GGTA1: variants seen among roughly 807,000 people sequenced by gnomAD.
GGTA1 encodes glycoprotein alpha-galactosyltransferase 1 (inactive), also known as inactive N-acetyllactosaminide alpha-1,3-galactosyltransferase.
GGTA1 carries 5 observed loss-of-function variants against 2.6 expected under a neutral mutation model. That is an observed-to-expected ratio of 1.92 (90% confidence interval 1.00 to 4.04). The LOEUF is 4.04. Ranked by LOEUF, GGTA1 falls within the 30% of genes most tolerant of loss-of-function variation. The probability of loss-of-function intolerance (pLI) is 0.00; values close to 1 mark genes in which losing one functional copy is unlikely to be tolerated. For missense variants in GGTA1, 50 were observed against 16.7 expected (o/e 2.99, Z -3.47); for synonymous variants, 17 against 5.0 (o/e 3.38, Z -3.19).
chr9:121,451,184 ACTTT>A (rs907268686), downstream of GGTA1, among the ~76,000 whole-genome samples: 1 of 152,116 alleles, frequency 6.6e-6, no homozygotes, highest in African/African-American at 2.4e-5. Context: ...TAGAGCTAGA[ACTTT>A]CTTTCTTTTC....
At chr9:121,484,494 G>A (rs1320246338) in intron 1 of GGTA1, among the ~76,000 whole-genome samples, 3 of 152,088 alleles carry the variant, frequency 2.0e-5, no homozygotes, top group African/African-American at 7.2e-5. Flanking sequence ...ATGTTGGTCA[G>A]GCTGGTCTCG....
chr9:121,474,649 G>A (rs551133036), intron 1 of GGTA1, among the ~76,000 whole-genome samples: 261 of 152,208 alleles, frequency 1.7e-3, no homozygotes, highest in Non-Finnish European at 8.4e-4. Flanking sequence ...AAGGTAATTC[G>A]TTCCAAACAG....
intron 1 of GGTA1, among the ~76,000 whole-genome samples, chr9:121,490,957 C>A (rs1393881583): frequency 6.6e-6 from 1 of 152,126 alleles, no homozygotes; most frequent in Non-Finnish European, 1.5e-5. Context: ...GGAATGAATT[C>A]CTAAGCACTT....
chr9:121,472,585 G>A (rs1053318520), intron 1 of GGTA1, among the ~76,000 whole-genome samples: 1 of 152,220 alleles, frequency 6.6e-6, no homozygotes, highest in South Asian at 2.1e-4. Flanking sequence ...AAATGCAAAT[G>A]AAGGACTCTA....
Position 121,455,901 on chromosome 9 carries a change from T to C in GGTA1, c.299-60A>G, listed in dbSNP as rs556652788. On this transcript the variant is annotated intron_variant, in intron 5 of 5. Coordinates refer to ENST00000481799, the MANE Select transcript of GGTA1 (RefSeq NM_001382585.1). ...TTGAATTAAAAATTAAAATATTCTA[T>C]TTCCCAGCTGTTAATTATTTGATTC... 3.3e-3 allele frequency: 1,480 copies of C among 449,746 alleles called. 9 individuals carry two copies. Among genetic ancestry groups the C allele is most frequent in the South Asian group, 4.6e-3 (290 of 63,192 alleles). The allele number at this position is 449,746 out of a possible 1,614,324, so 27.9% of individuals were successfully genotyped here. A position where few individuals can be genotyped will look rare whatever the true frequency, so the allele number is the denominator to read the frequency against.
chr9:121,456,528 C>A (rs2064912924), intron 5 of GGTA1, among the ~76,000 whole-genome samples: 1 of 152,054 alleles, frequency 6.6e-6, no homozygotes, highest in African/African-American at 2.4e-5. Flanking sequence ...AGTGATTCTC[C>A]TGCCTCAGCC....
intron 1 of GGTA1, among the ~76,000 whole-genome samples, chr9:121,477,550 C>T (rs540747902): frequency 6.7e-6 from 1 of 149,132 alleles, no homozygotes; most frequent in East Asian, 2.0e-4. Context: ...ACTTTCATAC[C>T]TAACATTGCA....
At chr9:121,456,881 A>G (rs910416756) in intron 5 of GGTA1, among the ~76,000 whole-genome samples, 1 of 152,208 alleles carries the variant, frequency 6.6e-6, no homozygotes, top group Non-Finnish European at 1.5e-5. Context: ...TAAGTTGCCC[A>G]GGCTAGTCTT....
chr9:121,449,175 G>T (rs980628767), intron 7 of GGTA1, among the ~76,000 whole-genome samples: 4 of 152,192 alleles, frequency 2.6e-5, no homozygotes, highest in Non-Finnish European at 5.9e-5. Context: ...ATGTGACTTA[G>T]TTCATTTTTC....
intron 1 of GGTA1, among the ~76,000 whole-genome samples, chr9:121,492,763 C>T (rs1828897097): frequency 6.6e-6 from 1 of 152,024 alleles, no homozygotes; most frequent in African/African-American, 2.4e-5. Flanking sequence ...CATGAGCCAC[C>T]GCGCCCGGTC....
At chr9:121,458,407 A>G (rs1463000483) in intron 5 of GGTA1, among the ~76,000 whole-genome samples, 1 of 151,430 alleles carries the variant, frequency 6.6e-6, no homozygotes, top group Non-Finnish European at 1.5e-5. Flanking sequence ...GCAGGGGATC[A>G]CTTGAAACCA....
At chr9:121,467,023 G>A (rs1452221028) in intron 2 of GGTA1, among the ~76,000 whole-genome samples, 6 of 151,954 alleles carry the variant, frequency 3.9e-5, no homozygotes, top group Admixed American at 3.9e-4. Context: ...TTGAACTTGG[G>A]GGCCACTGAA....
intron 4 of GGTA1, 100 bp downstream of exon 4, chr9:121,461,152 T>G (rs556210004): frequency 5.1e-6 from 2 of 388,396 alleles, no homozygotes; most frequent in East Asian, 1.5e-4. Flanking sequence ...GCAAGAAAGA[T>G]GAGTGACTGA....
intron 2 of GGTA1, among the ~76,000 whole-genome samples, chr9:121,465,217 G>A (rs964987524): frequency 1.3e-5 from 2 of 152,186 alleles, no homozygotes; most frequent in African/African-American, 2.4e-5. Flanking sequence ...GCTCAGTTAT[G>A]CACATACAAC....
At chr9:121,457,776 G>A (rs10985250) in intron 5 of GGTA1, among the ~76,000 whole-genome samples, 74,917 of 150,590 alleles carry the variant, frequency 0.5, 19,070 homozygotes, top group South Asian at 0.65. Context: ...TCTAATCCCT[G>A]ACAGCTGGGA....
chr9:121,454,786 G>A (rs972188905), downstream of GGTA1, among the ~76,000 whole-genome samples: 4 of 152,168 alleles, frequency 2.6e-5, no homozygotes, highest in Non-Finnish European at 5.9e-5. Flanking sequence ...GCCAAGGCGG[G>A]TGGATCATTT....
intron 1 of GGTA1, among the ~76,000 whole-genome samples, chr9:121,471,982 G>A (rs1230254514): frequency 6.6e-6 from 1 of 152,180 alleles, no homozygotes; most frequent in East Asian, 1.9e-4. Flanking sequence ...ACAGGCTTTG[G>A]AGTGATGTGG....
chr9:121,447,215 G>A (rs1264439143), exon 8 of GGTA1: 1 of 152,624 alleles, frequency 6.6e-6, no homozygotes, highest in Non-Finnish European at 1.5e-5. Flanking sequence ...GTATCCTGCT[G>A]ACTCTTTCCA....
At chr9:121,449,064 C>A (rs2064865477) in intron 7 of GGTA1, among the ~76,000 whole-genome samples, 2 of 152,220 alleles carry the variant, frequency 1.3e-5, no homozygotes, top group Admixed American at 1.3e-4. Flanking sequence ...AAGCACACAG[C>A]ATGTAGCCTT....
Sources: gnomAD v4.1 joint callset for allele counts (sites outside exome capture counted in the v4.1 genomes callset) on GRCh38, gnomAD v4.1.1 for gene constraint, MANE v1.5 for transcripts, NCBI Gene and HGNC (gene_info 2026-07-23, HGNC 2026-07-21) for gene names.